EIF4G3: variants seen among roughly 807,000 people sequenced by gnomAD.
EIF4G3 encodes the protein eIF-4-gamma 3.
EIF4G3 carries 34 observed loss-of-function variants against 186.4 expected under a neutral mutation model. The observed-to-expected ratio is 0.18, with a 90% CI of 0.14 to 0.24. The LOEUF (loss-of-function observed/expected upper bound fraction) is 0.24. Ranked by LOEUF, EIF4G3 falls within the 10% of genes least tolerant of loss-of-function variation. The pLI, the probability that EIF4G3 is intolerant of heterozygous loss-of-function variation, is 1.00. For missense variants in EIF4G3, 1,536 were observed against 1,948.5 expected (o/e 0.79, Z 3.99); for synonymous variants, 673 against 679.5 (o/e 0.99, Z 0.15).
At chr1:20,923,220 T>C (rs1244617727) in intron 14 of EIF4G3, among the ~76,000 whole-genome samples, 1 of 152,196 alleles carries the variant, frequency 6.6e-6, no homozygotes, top group Non-Finnish European at 1.5e-5. Context: ...GTGCAGTTTG[T>C]TGCCCCAACA....
In EIF4G3 at chr1:20,844,222, G is replaced by C. The variant is rs184042042; in HGVS notation, c.3889-3194C>G. Among the ~76,000 whole-genome samples the C allele has an allele frequency of 3.3e-3, 509 of 152,246 alleles. 1 individual carries two copies. Among genetic ancestry groups the C allele is most frequent in the Non-Finnish European group, 5.1e-3 (350 of 68,020 alleles). ...GTATTTCTGTCTCTAGGTCTCTCAG[G>C]AATCGCCACACTTCCACAATGGTTG... On this transcript the variant is annotated intron_variant, in intron 29 of 36. Transcript: ENST00000602326.
intron 7 of EIF4G3, among the ~76,000 whole-genome samples, chr1:20,986,744 CAAAAAA>C (rs61255473): frequency 7.9e-3 from 521 of 66,282 alleles, no homozygotes; most frequent in African/African-American, 0.034. Context: ...GCTCTGTCTC[CAAAAAA>C]AAAAAAAAAA....
chr1:21,009,507 T>TA (rs2086330750), intron 4 of EIF4G3, among the ~76,000 whole-genome samples: 2 of 151,708 alleles, frequency 1.3e-5, no homozygotes, highest in South Asian at 2.1e-4. Flanking sequence ...GTAGATATTA[T>TA]AGGGTACAAA....
At chr1:21,005,956 C>T (rs2084951737) in intron 4 of EIF4G3, among the ~76,000 whole-genome samples, 1 of 152,200 alleles carries the variant, frequency 6.6e-6, no homozygotes, top group Non-Finnish European at 1.5e-5. Context: ...AGCACAATCT[C>T]TAATGCAGCC....
At chr1:20,876,772 G>A (rs531006767) in intron 20 of EIF4G3, among the ~76,000 whole-genome samples, 1 of 152,188 alleles carries the variant, frequency 6.6e-6, no homozygotes, top group Non-Finnish European at 1.5e-5. Context: ...AAGGCGGGAA[G>A]AGCACTTGAG....
At chr1:21,148,846 C>CTT (rs2097501552) in intron 2 of EIF4G3, among the ~76,000 whole-genome samples, 3 of 149,128 alleles carry the variant, frequency 2.0e-5, no homozygotes, top group Non-Finnish European at 4.5e-5. Context: ...AAAAATCCAA[C>CTT]AATAAGGAAT....
chr1:21,056,332 T>C (rs149776595), intron 3 of EIF4G3, among the ~76,000 whole-genome samples: 1 of 152,294 alleles, frequency 6.6e-6, no homozygotes, highest in East Asian at 1.9e-4. Flanking sequence ...TTACATATAA[T>C]AAAAATCTCT....
At chr1:21,030,370 C>T (rs1210962813) in intron 4 of EIF4G3, among the ~76,000 whole-genome samples, 1 of 152,134 alleles carries the variant, frequency 6.6e-6, no homozygotes, top group Non-Finnish European at 1.5e-5. Context: ...ATGGGTGTCA[C>T]GTGATCTGAT....
At chr1:21,009,717 C>A (rs1006016658) in intron 4 of EIF4G3, among the ~76,000 whole-genome samples, 3 of 151,990 alleles carry the variant, frequency 2.0e-5, no homozygotes, top group Non-Finnish European at 2.9e-5. Context: ...TGCAGTGGCA[C>A]GATCTCGGCT....
intron 2 of EIF4G3, among the ~76,000 whole-genome samples, chr1:21,137,433 C>A (rs2097265373): frequency 6.6e-6 from 1 of 151,958 alleles, no homozygotes; most frequent in South Asian, 2.1e-4. Context: ...AGACACTGCA[C>A]CTGGTCTCAA....
chr1:20,870,864 G>C (rs1271785785), intron 20 of EIF4G3, among the ~76,000 whole-genome samples: 3 of 152,198 alleles, frequency 2.0e-5, no homozygotes. Context: ...AAATACTCCA[G>C]AGGTGGAGTT....
chr1:20,908,798 G>A (rs1027389429), intron 14 of EIF4G3, among the ~76,000 whole-genome samples: 4 of 152,076 alleles, frequency 2.6e-5, no homozygotes, highest in East Asian at 1.9e-4. Context: ...TAAACTTACC[G>A]GTTTTTATAA....
chr1:20,920,010 G>C (rs1425195013), intron 14 of EIF4G3, among the ~76,000 whole-genome samples: 1 of 144,340 alleles, frequency 6.9e-6, no homozygotes, highest in African/African-American at 2.4e-5. Context: ...GGGTTCAAGT[G>C]ATTCTCCTGC....
At chr1:20,896,447 A>AG (rs1553264503) in intron 16 of EIF4G3, among the ~76,000 whole-genome samples, 2 of 151,030 alleles carry the variant, frequency 1.3e-5, no homozygotes, top group Non-Finnish European at 2.9e-5. Flanking sequence ...AAAAAAAAAA[A>AG]AAAAAGAAAA....
At chr1:21,133,943 C>G (rs1039446286) in intron 2 of EIF4G3, among the ~76,000 whole-genome samples, 1 of 152,080 alleles carries the variant, frequency 6.6e-6, no homozygotes, top group Non-Finnish European at 1.5e-5. Context: ...TGTTCTCAGT[C>G]GTTGAACTGT....
chr1:20,813,956 T>TG (rs2059816583), intron 34 of EIF4G3, among the ~76,000 whole-genome samples: 1 of 137,900 alleles, frequency 7.3e-6, no homozygotes, highest in Non-Finnish European at 1.6e-5. Context: ...TGTTTTTTTT[T>TG]TTTTTTTTTT....
chr1:20,854,034 T>G (rs2074131202), intron 26 of EIF4G3, among the ~76,000 whole-genome samples: 1 of 152,146 alleles, frequency 6.6e-6, no homozygotes, highest in Non-Finnish European at 1.5e-5. Context: ...CATGTGGGTT[T>G]TACTGAATAA....
chr1:21,140,097 G>A (rs2097311594), intron 2 of EIF4G3, among the ~76,000 whole-genome samples: 1 of 152,232 alleles, frequency 6.6e-6, no homozygotes. Flanking sequence ...AGATTTGGTT[G>A]AGGCTGTCTT....
At chr1:20,939,492 T>C (rs1437795918) in intron 14 of EIF4G3, among the ~76,000 whole-genome samples, 2 of 152,194 alleles carry the variant, frequency 1.3e-5, no homozygotes, top group Middle Eastern at 3.2e-3. Flanking sequence ...CATCCATCCC[T>C]GGGCACTGTC....
Sources: gnomAD v4.1 joint callset for allele counts (sites outside exome capture counted in the v4.1 genomes callset) on GRCh38, gnomAD v4.1.1 for gene constraint, MANE v1.5 for transcripts, NCBI Gene and HGNC (gene_info 2026-07-23, HGNC 2026-07-21) for gene names.